XPNPEP2: variants seen among roughly 807,000 people sequenced by gnomAD.
XPNPEP2 encodes X-prolyl aminopeptidase 2, also known as xaa-Pro aminopeptidase 2.
In XPNPEP2, 64 loss-of-function variants were observed where a neutral mutation model predicts 59.8. The ratio of observed to expected loss-of-function variants is 1.07; its 90% CI spans 0.87 to 1.32. The LOEUF (loss-of-function observed/expected upper bound fraction) is 1.32. XPNPEP2 is among the 40% of genes most tolerant of loss of function. The pLI is 0.00. For missense variants in XPNPEP2, 575 were observed against 546.8 expected, an observed-to-expected ratio of 1.05 and a Z score of -0.51; for synonymous variants, 235 against 210.0, an observed-to-expected ratio of 1.12 and a Z score of -1.03.
chrX:129,762,415 G>A (rs1312408589), intron 18 of XPNPEP2, among the ~76,000 whole-genome samples: 1 of 112,143 alleles, frequency 8.9e-6, no homozygotes, highest in Non-Finnish European at 1.9e-5. Flanking sequence ...AGGGAGATGG[G>A]AGTACCTTCA....
intron 8 of XPNPEP2, among the ~76,000 whole-genome samples, chrX:129,750,885 T>A (rs1334244204): frequency 1.8e-5 from 2 of 111,496 alleles, no homozygotes; most frequent in African/African-American, 6.5e-5. Context: ...TCCCAACAAC[T>A]TAGCCACTAC....
intron 19 of XPNPEP2, among the ~76,000 whole-genome samples, chrX:129,765,865 T>TG (rs1247504289): frequency 9.0e-6 from 1 of 111,382 alleles, no homozygotes; most frequent in Non-Finnish European, 1.9e-5. Flanking sequence ...CTTGAACTCC[T>TG]GACCTCAGGT....
rs1250806190 is a variant in XPNPEP2 at position 129,751,579 on chromosome X, AAAGAAAGAAAGAAAGAAAGG to A, written c.740-162_740-143del. Among the ~76,000 whole-genome samples, 299 of 76,430 alleles carry A rather than the reference AAAGAAAGAAAGAAAGAAAGG, an allele frequency of 3.9e-3. 2 individuals carry two copies. Among genetic ancestry groups the A allele is most frequent in the African/African-American group, 0.01 (185 of 18,100 alleles). 66.4% of individuals were successfully genotyped at this position (76,430 alleles called of 115,157 possible). A position where few individuals can be genotyped will look rare whatever the true frequency, so the allele number is the denominator to read the frequency against. ...GAAAGAAAGAAAGAAAGAAAGAAAG[AAAGAAAGAAAGAAAGAAAGG>A]AAGGAAGGAAGGAAGGAAGGAAGGA... On this transcript the variant is annotated intron_variant, in intron 8 of 20. Transcript: ENST00000371106.
intron 2 of XPNPEP2, among the ~76,000 whole-genome samples, chrX:129,742,665 A>G (rs889552157): frequency 5.4e-5 from 6 of 110,575 alleles, no homozygotes; most frequent in Non-Finnish European, 9.6e-5. Context: ...ACTTTGGGAG[A>G]CCGAGCCAGG....
At position 129,743,088 on chromosome X, in the gene XPNPEP2, A is replaced by G. The variant is rs142361603; in HGVS notation, c.124-873A>G. Among the ~76,000 whole-genome samples the G allele has an allele frequency of 4.3e-3, 481 of 112,031 alleles. 2 individuals carry two copies. Among genetic ancestry groups the G allele is most frequent in the African/African-American group, 0.015 (467 of 30,803 alleles). On this transcript the variant is annotated intron_variant, in intron 2 of 20. Coordinates refer to ENST00000371106, the MANE Select transcript of XPNPEP2 (RefSeq NM_003399.6). ...GCTAAGGGGTAGGCATGCCAGCAGCACTGTAAGCCATGGGAAAAACGCAGT... is the reference window on the plus strand; with the variant it reads ...GCTAAGGGGTAGGCATGCCAGCAGCGCTGTAAGCCATGGGAAAAACGCAGT...
intron 19 of XPNPEP2, among the ~76,000 whole-genome samples, chrX:129,763,920 TG>T (rs1772351586): frequency 9.1e-6 from 1 of 110,049 alleles, no homozygotes; most frequent in Admixed American, 9.7e-5. Context: ...GCTAATCATT[TG>T]GGGGGATTAA....
Position 129,751,595 on chromosome X carries a change from AAAGGAAGGAAGGAAGGAAGGAAGGAAGG to A in XPNPEP2, c.740-129_740-102del, listed in dbSNP as rs201428707. 1,015 of 200,993 alleles carry A rather than the reference AAAGGAAGGAAGGAAGGAAGGAAGGAAGG, an allele frequency of 5.0e-3. 7 individuals carry two copies. Among genetic ancestry groups the A allele is most frequent in the African/African-American group, 0.014 (248 of 17,323 alleles). 16.6% of individuals were successfully genotyped at this position (200,993 alleles called of 1,213,427 possible). On this transcript the variant is annotated intron_variant, in intron 8 of 20. Coordinates refer to ENST00000371106, the MANE Select transcript of XPNPEP2 (RefSeq NM_003399.6). ...GAAAGAAAGAAAGAAAGAAAGAAAG[AAAGGAAGGAAGGAAGGAAGGAAGGAAGG>A]AAGGAAGGAAGGAAGGAAGGGAGGA...
At chrX:129,742,971 T>G (rs979070177) in intron 2 of XPNPEP2, among the ~76,000 whole-genome samples, 1 of 111,386 alleles carries the variant, frequency 9.0e-6, no homozygotes, top group Non-Finnish European at 1.9e-5. Context: ...AGGCCTAGGG[T>G]GTGCAGACGA....
At chrX:129,742,350 C>T (rs1380707557) in intron 2 of XPNPEP2, among the ~76,000 whole-genome samples, 169 bp downstream of exon 2, 9 of 105,080 alleles carry the variant, frequency 8.6e-5, no homozygotes, top group Admixed American at 7.1e-4. Context: ...TCCTGATTTC[C>T]GGACTCTTGG....
At position 129,755,312 on chromosome X, in the gene XPNPEP2, C is replaced by T. The variant is rs140729317; in HGVS notation, c.1236C>T (p.Ser412=). The part of the protein sequence containing the change: ...DKFRGEEQFS[S]GPSFETISAS... ...TTTCCAGAGAAGAACAGTTCTCCTC[C>T]GGACCCAGTTTTGAAACCATCTCTG... Residue 412 remains serine, a synonymous_variant, in exon 13 of 21, where the codon TCC becomes TCT. Transcript: ENST00000371106. The T allele has an allele frequency of 1.5e-3, 1,848 of 1,209,971 alleles. 1 individual carries two copies. Among genetic ancestry groups the T allele is most frequent in the Non-Finnish European group, 1.9e-3 (1,664 of 894,919 alleles).
intron 2 of XPNPEP2, among the ~76,000 whole-genome samples, chrX:129,742,666 C>A (rs1005365781): frequency 5.4e-5 from 6 of 110,605 alleles, no homozygotes; most frequent in Non-Finnish European, 9.5e-5. Flanking sequence ...CTTTGGGAGA[C>A]CGAGCCAGGT....
Position 129,739,143 on chromosome X carries a change from G to A in XPNPEP2, c.-71G>A. The A allele has an allele frequency of 9.1e-7, 1 of 1,102,463 alleles. No individual in the cohort carries two copies. The highest frequency in any genetic ancestry group is 3.0e-5 in the East Asian group (1 of 33,095). 90.9% of individuals were successfully genotyped at this position (1,102,463 alleles called of 1,213,427 possible). A position where few individuals can be genotyped will look rare whatever the true frequency, so the allele number is the denominator to read the frequency against. On this transcript the variant is annotated 5_prime_UTR_variant, in exon 1 of 21. Coordinates refer to ENST00000371106, the MANE Select transcript of XPNPEP2 (RefSeq NM_003399.6). Reference sequence around the variant, plus strand: ...CGAGCCCAGGAAAGGCCTGAAGGAAGAGGCCGGGGAAAGAGCCCTCCCTCT... The same window carrying A: ...CGAGCCCAGGAAAGGCCTGAAGGAAAAGGCCGGGGAAAGAGCCCTCCCTCT...
At chrX:129,757,506 T>A (rs998199397) in intron 14 of XPNPEP2, among the ~76,000 whole-genome samples, 4 of 108,464 alleles carry the variant, frequency 3.7e-5, no homozygotes, top group Admixed American at 2.0e-4. Flanking sequence ...ATGACAGCCG[T>A]GCAGAATAGA....
chrX:129,758,495 T>G (rs1926597994), intron 14 of XPNPEP2, among the ~76,000 whole-genome samples: 1 of 111,608 alleles, frequency 9.0e-6, no homozygotes, highest in African/African-American at 3.3e-5. Flanking sequence ...TGGCAACTGC[T>G]GCAGCTGGGA....
In XPNPEP2 at chrX:129,755,244, C is replaced by T. The variant is rs1926496335; in HGVS notation, c.1218-50C>T. On this transcript the variant is annotated intron_variant, in intron 12 of 20. Transcript: ENST00000371106. ...ATTTGATTAGATATCCCGGGCCCAGCCTAGTCCAGGGGCCCATTCATTGAC... is the reference window on the plus strand; with the variant it reads ...ATTTGATTAGATATCCCGGGCCCAGTCTAGTCCAGGGGCCCATTCATTGAC... The T allele has an allele frequency of 2.6e-6, 3 of 1,134,987 alleles. No individual in the cohort carries two copies. The East Asian group carries it at 9.0e-5, about 34-fold the overall frequency. The allele number at this position is 1,134,987 out of a possible 1,213,427, so 93.5% of individuals were successfully genotyped here. A position where few individuals can be genotyped will look rare whatever the true frequency, so the allele number is the denominator to read the frequency against.
intron 17 of XPNPEP2, among the ~76,000 whole-genome samples, chrX:129,761,659 A>G (rs758385577): frequency 1.8e-5 from 2 of 111,860 alleles, no homozygotes; most frequent in Non-Finnish European, 3.8e-5. Flanking sequence ...CCGTCTCTAC[A>G]AAAGAAATGT....
intron 19 of XPNPEP2, among the ~76,000 whole-genome samples, chrX:129,765,351 G>C (rs917412365): frequency 1.8e-5 from 2 of 111,863 alleles, no homozygotes; most frequent in African/African-American, 6.5e-5. Context: ...AAACATCTTG[G>C]TGAGCTTTTG....
chrX:129,750,394 G>A (rs1363560973), intron 7 of XPNPEP2, 74 bp from the exon 8 acceptor site: 1 of 864,931 alleles, frequency 1.2e-6, no homozygotes, highest in African/African-American at 2.0e-5. Flanking sequence ...TTACCCTAAG[G>A]CTGACCTTCC....
intron 17 of XPNPEP2, 117 bp from the exon 18 acceptor site, chrX:129,761,889 C>T: frequency 2.9e-6 from 2 of 691,399 alleles, no homozygotes; most frequent in South Asian, 2.2e-5. Flanking sequence ...ATGTGATGGA[C>T]CTGTGCTCAT....
Sources: gnomAD v4.1 joint callset for allele counts (sites outside exome capture counted in the v4.1 genomes callset) on GRCh38, gnomAD v4.1.1 for gene constraint, MANE v1.5 for transcripts, NCBI Gene and HGNC (gene_info 2026-07-23, HGNC 2026-07-21) for gene names.